The following CTNNA3 variants were observed in gnomAD, a reference collection of about 807,000 sequenced individuals.
CTNNA3 encodes the protein catenin alpha-3.
CTNNA3 carries 76 observed loss-of-function variants against 95.7 expected under a neutral mutation model. That is an observed-to-expected ratio of 0.79 (90% CI 0.66 to 0.96). The LOEUF is 0.96. CTNNA3 is among the 40% of genes least tolerant of loss of function. The pLI is 0.00. For synonymous variants in CTNNA3, 431 were observed against 374.4 expected (o/e 1.15, Z -1.74); for missense variants, 1,191 against 1,089.8 (o/e 1.09, Z -1.31).
chr10:66,409,402 C>CAA (rs71957917), intron 11 of CTNNA3, among the ~76,000 whole-genome samples: 50 of 138,424 alleles, frequency 3.6e-4, no homozygotes, highest in African/African-American at 1.2e-3. Flanking sequence ...TAACTGTTCC[C>CAA]AAAAAAAAAA....
At chr10:67,374,040 T>C (rs1043299352) in intron 5 of CTNNA3, among the ~76,000 whole-genome samples, 1 of 152,182 alleles carries the variant, frequency 6.6e-6, no homozygotes, top group African/African-American at 2.4e-5. Context: ...AACTTATTTT[T>C]TGATAGAAGT....
In CTNNA3 at chr10:65,919,330, A is replaced by G. The variant is rs1041200281; in HGVS notation, c.*1000T>C. 2 of 152,184 alleles carry G rather than the reference A, an allele frequency of 1.3e-5. No individual in the cohort carries two copies. The highest frequency in any genetic ancestry group is 4.8e-5 in the African/African-American group (2 of 41,460). The allele number at this position is 152,184 out of a possible 1,614,324, so 9.4% of individuals were successfully genotyped here. ...AATCACTCCAGCTTCATTGCCATTA[A>G]CTGCTTCATAGTTCAATGGTACAGT... is the stretch of plus-strand genomic sequence containing the variant. On this transcript the variant is annotated 3_prime_UTR_variant, in exon 18 of 18. Transcript: ENST00000433211.
chr10:66,201,049 C>T (rs1449705451), intron 13 of CTNNA3, among the ~76,000 whole-genome samples: 2 of 152,150 alleles, frequency 1.3e-5, no homozygotes, highest in South Asian at 4.1e-4. Flanking sequence ...CATAACAGCA[C>T]TTATCACTCA....
At chr10:67,493,549 G>A (rs1288431718) in intron 5 of CTNNA3, among the ~76,000 whole-genome samples, 4 of 132,982 alleles carry the variant, frequency 3.0e-5, no homozygotes, top group South Asian at 2.7e-4. Flanking sequence ...GTGACAGAGC[G>A]AGACTCTGTC....
chr10:66,164,634 AAAAG>A (rs1393867344), intron 13 of CTNNA3, among the ~76,000 whole-genome samples: 1 of 152,172 alleles, frequency 6.6e-6, no homozygotes, highest in Admixed American at 6.6e-5. Context: ...GTGAACTAGA[AAAAG>A]AAAGAAAATC....
At chr10:66,696,583 A>G (rs1847772743) in intron 9 of CTNNA3, among the ~76,000 whole-genome samples, 1 of 152,156 alleles carries the variant, frequency 6.6e-6, no homozygotes, top group Non-Finnish European at 1.5e-5. Flanking sequence ...GTAAATAGTT[A>G]TGAGGAAAAA....
chr10:67,560,707 T>G (rs28859304), intron 3 of CTNNA3, among the ~76,000 whole-genome samples: 30,043 of 151,932 alleles, frequency 0.2, 4,942 homozygotes, highest in African/African-American at 0.46. Flanking sequence ...TGGATAAAGA[T>G]TCAAGACCCA....
rs76141323 is a variant in CTNNA3, at chr10:66,569,893, T to C, written c.1375-49120A>G. Among the ~76,000 whole-genome samples, 1,295 of 152,314 alleles carry C rather than the reference T, an allele frequency of 8.5e-3. 20 individuals carry two copies. Among genetic ancestry groups the C allele is most frequent in the African/African-American group, 0.029 (1,226 of 41,574 alleles). On this transcript the variant is annotated intron_variant, in intron 10 of 17. Transcript: ENST00000433211. ...TTGATTCAAAAGGCAGAGCCATTACTAATAAAAATAATATAGGTAGATATT... is the reference window on the plus strand; with the variant it reads ...TTGATTCAAAAGGCAGAGCCATTACCAATAAAAATAATATAGGTAGATATT...
chr10:66,073,898 T>C (rs2080493288), intron 14 of CTNNA3, among the ~76,000 whole-genome samples: 2 of 152,084 alleles, frequency 1.3e-5, no homozygotes, highest in Non-Finnish European at 2.9e-5. Flanking sequence ...AAATCATAAA[T>C]GTACAGTTGG....
chr10:66,830,558 G>A (rs1842677044), intron 7 of CTNNA3, among the ~76,000 whole-genome samples: 1 of 151,620 alleles, frequency 6.6e-6, no homozygotes, highest in African/African-American at 2.4e-5. Flanking sequence ...GCAGCATGGA[G>A]AATTCTATTC....
chr10:67,359,147 C>T (rs994291556), intron 5 of CTNNA3, among the ~76,000 whole-genome samples: 4 of 150,964 alleles, frequency 2.6e-5, no homozygotes, highest in African/African-American at 9.8e-5. Flanking sequence ...TCTCTGAAAG[C>T]ACCTAGAAAA....
intron 14 of CTNNA3, among the ~76,000 whole-genome samples, chr10:66,083,661 C>T (rs1277677665): frequency 6.6e-6 from 1 of 152,154 alleles, no homozygotes; most frequent in East Asian, 1.9e-4. Flanking sequence ...TTCTTCTACG[C>T]TAGTTATGAC....
At chr10:66,965,761 A>G (rs1849380642) in intron 7 of CTNNA3, among the ~76,000 whole-genome samples, 1 of 152,220 alleles carries the variant, frequency 6.6e-6, no homozygotes, top group South Asian at 2.1e-4. Flanking sequence ...CAAAGGCCGC[A>G]TATGTTTCAA....
chr10:66,742,019 A>G (rs2132699801), intron 9 of CTNNA3, among the ~76,000 whole-genome samples: 1 of 152,310 alleles, frequency 6.6e-6, no homozygotes, highest in East Asian at 1.9e-4. Flanking sequence ...AAAGAACAGG[A>G]TAACAGCAAT....
chr10:66,210,097 G>A (rs2088040441), intron 13 of CTNNA3, among the ~76,000 whole-genome samples: 1 of 151,876 alleles, frequency 6.6e-6, no homozygotes, highest in African/African-American at 2.4e-5. Context: ...CCCAGGGTGG[G>A]TTAATTTTTA....
At chr10:67,164,157 A>G (rs1024662896) in intron 7 of CTNNA3, among the ~76,000 whole-genome samples, 44 of 152,066 alleles carry the variant, frequency 2.9e-4, no homozygotes, top group African/African-American at 1.1e-3. Context: ...TAGGATAGCT[A>G]AAAACAACTT....
chr10:66,522,644 T>C (rs1479504036), intron 10 of CTNNA3, among the ~76,000 whole-genome samples: 1 of 151,894 alleles, frequency 6.6e-6, no homozygotes, highest in Non-Finnish European at 1.5e-5. Flanking sequence ...CAATTAAACC[T>C]CTTTCCTTTA....
chr10:66,733,205 C>T (rs190211176), intron 9 of CTNNA3, among the ~76,000 whole-genome samples: 10 of 151,996 alleles, frequency 6.6e-5, no homozygotes, highest in African/African-American at 2.4e-4. Flanking sequence ...TCTTTCTTTG[C>T]CAAAGCAAAA....
intron 12 of CTNNA3, among the ~76,000 whole-genome samples, chr10:66,321,104 T>TAGTG (rs1284968578): frequency 6.6e-6 from 1 of 152,082 alleles, no homozygotes; most frequent in Non-Finnish European, 1.5e-5. Flanking sequence ...ATGATATGAA[T>TAGTG]AGTGGCCCTT....
Sources: gnomAD v4.1 joint callset for allele counts (sites outside exome capture counted in the v4.1 genomes callset) on GRCh38, gnomAD v4.1.1 for gene constraint, MANE v1.5 for transcripts, NCBI Gene and HGNC (gene_info 2026-07-23, HGNC 2026-07-21) for gene names.